The following SLC24A3 variants were observed in gnomAD, a reference collection of about 807,000 sequenced individuals.
The protein encoded by SLC24A3 is solute carrier family 24 member 3, also known as sodium/potassium/calcium exchanger 3.
In SLC24A3, 28 loss-of-function variants were observed where a neutral mutation model predicts 75.8. That is an observed-to-expected ratio of 0.37 (90% CI 0.27 to 0.51). The LOEUF (loss-of-function observed/expected upper bound fraction) is 0.51. SLC24A3 is among the 20% of genes least tolerant of loss of function. The pLI is 0.94. For missense variants in SLC24A3, 663 were observed against 847.8 expected, an observed-to-expected ratio of 0.78 and a Z score of 2.71; for synonymous variants, 372 against 334.1, an observed-to-expected ratio of 1.11 and a Z score of -1.24.
At chr20:19,441,683 T>C (rs1274789445) in intron 2 of SLC24A3, among the ~76,000 whole-genome samples, 3 of 152,198 alleles carry the variant, frequency 2.0e-5, no homozygotes, top group African/African-American at 7.2e-5. Flanking sequence ...GCATTATTAT[T>C]AACTCAACTT....
At chr20:19,513,145 A>T (rs6106095) in intron 2 of SLC24A3, among the ~76,000 whole-genome samples, 38,373 of 152,062 alleles carry the variant, frequency 0.25, 5,077 homozygotes, top group East Asian at 0.33. Context: ...CCTCCAGGAG[A>T]GTGGCAGCTG....
chr20:19,495,585 C>T (rs1988273129), intron 2 of SLC24A3, among the ~76,000 whole-genome samples: 1 of 152,190 alleles, frequency 6.6e-6, no homozygotes, highest in African/African-American at 2.4e-5. Flanking sequence ...GGCAGTACAG[C>T]TTCCCTCAGG....
At chr20:19,499,938 A>C (rs1988360645) in intron 2 of SLC24A3, among the ~76,000 whole-genome samples, 1 of 152,064 alleles carries the variant, frequency 6.6e-6, no homozygotes, top group Non-Finnish European at 1.5e-5. Context: ...GTGTGCTGGA[A>C]GTTAGCTTCC....
intron 15 of SLC24A3, among the ~76,000 whole-genome samples, chr20:19,700,664 T>G (rs576282615): frequency 6.6e-6 from 1 of 152,368 alleles, no homozygotes; most frequent in Admixed American, 6.5e-5. Flanking sequence ...TTACTTTGTA[T>G]AGCAAAGATC....
chr20:19,700,500 T>G (rs1016645823), intron 15 of SLC24A3, among the ~76,000 whole-genome samples: 4 of 152,130 alleles, frequency 2.6e-5, no homozygotes, highest in Non-Finnish European at 5.9e-5. Context: ...ATCCAGGTAA[T>G]TAGGTTAGTG....
At chr20:19,609,096 A>G (rs1447114129) in intron 6 of SLC24A3, among the ~76,000 whole-genome samples, 1 of 152,142 alleles carries the variant, frequency 6.6e-6, no homozygotes, top group African/African-American at 2.4e-5. Flanking sequence ...TATCCCCCCA[A>G]AGAAAATGAT....
intron 3 of SLC24A3, among the ~76,000 whole-genome samples, chr20:19,558,178 TA>T (rs1428846584): frequency 6.6e-6 from 1 of 152,200 alleles, no homozygotes; most frequent in Non-Finnish European, 1.5e-5. Flanking sequence ...ACTAAGTTTT[TA>T]AATCACCTTT....
At chr20:19,411,617 A>G (rs1208155270) in intron 2 of SLC24A3, among the ~76,000 whole-genome samples, 1 of 152,188 alleles carries the variant, frequency 6.6e-6, no homozygotes, top group Non-Finnish European at 1.5e-5. Context: ...AATAAGCTTG[A>G]GTGATTTAAG....
intron 3 of SLC24A3, among the ~76,000 whole-genome samples, chr20:19,533,004 T>C (rs539920325): frequency 6.6e-6 from 1 of 152,366 alleles, no homozygotes; most frequent in Admixed American, 6.5e-5. Context: ...CAGAACTGCC[T>C]GATTCTTCTT....
intron 3 of SLC24A3, among the ~76,000 whole-genome samples, chr20:19,538,786 T>C (rs2030446177): frequency 6.6e-6 from 1 of 152,186 alleles, no homozygotes; most frequent in Admixed American, 6.5e-5. Context: ...CAGAAATTCA[T>C]ATATACATGC....
intron 2 of SLC24A3, among the ~76,000 whole-genome samples, chr20:19,290,852 A>G (rs183445410): frequency 2.6e-5 from 4 of 152,334 alleles, no homozygotes; most frequent in East Asian, 3.9e-4. Context: ...CCTGTCTTCC[A>G]GCAGGGTCTA....
chr20:19,295,914 A>G lies in SLC24A3; in HGVS notation c.271+14827A>G, dbSNP rs554742325. Among the ~76,000 whole-genome samples the G allele has an allele frequency of 1.1e-4, 16 of 152,252 alleles. No homozygotes were observed. The South Asian group carries it at 3.1e-3, about 30-fold the overall frequency. Reference sequence around the variant, plus strand: ...AGTCCCTCCTTCTCAATTGTTTGGAATAGTTTCAGAAGAAATGGTACCGGC... The same window carrying G: ...AGTCCCTCCTTCTCAATTGTTTGGAGTAGTTTCAGAAGAAATGGTACCGGC... On this transcript the variant is annotated intron_variant, in intron 2 of 16. Coordinates refer to ENST00000328041, the MANE Select transcript of SLC24A3 (RefSeq NM_020689.4).
chr20:19,438,809 G>C (rs964867748), intron 2 of SLC24A3, among the ~76,000 whole-genome samples: 2 of 152,176 alleles, frequency 1.3e-5, no homozygotes, highest in Non-Finnish European at 2.9e-5. Flanking sequence ...ACCCTCACAG[G>C]GTAGGTAGTG....
intron 9 of SLC24A3, 62 bp from the exon 10 acceptor site, chr20:19,681,796 G>C (rs2032618253): frequency 6.2e-7 from 1 of 1,610,374 alleles, no homozygotes; most frequent in East Asian, 2.2e-5. Context: ...CACTTGGTGG[G>C]AGTTGAGAAA....
intron 2 of SLC24A3, among the ~76,000 whole-genome samples, chr20:19,339,224 G>C (rs1411326536): frequency 1.3e-5 from 2 of 152,138 alleles, no homozygotes; most frequent in Non-Finnish European, 2.9e-5. Context: ...AGATCATTGC[G>C]TTCAGTGCTC....
chr20:19,250,672 G>A (rs1420056549), intron 1 of SLC24A3, among the ~76,000 whole-genome samples: 5 of 152,154 alleles, frequency 3.3e-5, no homozygotes, highest in Non-Finnish European at 7.3e-5. Context: ...ATCCTTTTGA[G>A]ATTCTTTGCC....
chr20:19,220,867 C>T (rs1981689987), intron 1 of SLC24A3, among the ~76,000 whole-genome samples: 1 of 152,196 alleles, frequency 6.6e-6, no homozygotes, highest in South Asian at 2.1e-4. Context: ...TGTATCTCAG[C>T]AGCCAGAGCT....
intron 1 of SLC24A3, among the ~76,000 whole-genome samples, chr20:19,259,151 A>G (rs1301451216): frequency 6.6e-6 from 1 of 152,174 alleles, no homozygotes; most frequent in Non-Finnish European, 1.5e-5. Context: ...TGGCTTTGCT[A>G]CTGAGGGGAA....
At chr20:19,499,741 C>T (rs758164363) in intron 2 of SLC24A3, among the ~76,000 whole-genome samples, 3 of 152,144 alleles carry the variant, frequency 2.0e-5, no homozygotes, top group Non-Finnish European at 4.4e-5. Flanking sequence ...CACCTAGATA[C>T]TTGCGTATGC....
Sources: allele counts gnomAD v4.1 joint callset (sites outside exome capture counted in the v4.1 genomes callset), GRCh38; gene constraint gnomAD v4.1.1; transcripts MANE v1.5; gene names NCBI Gene and HGNC (gene_info 2026-07-23, HGNC 2026-07-21).